Variants in CR1L observed in about 807,000 individuals in gnomAD.
The protein encoded by CR1L is complement component receptor 1-like protein.
A neutral mutation model predicts 62.3 loss-of-function variants in CR1L; 59 were observed. The observed-to-expected ratio is 0.95, with a 90% CI of 0.77 to 1.18. The LOEUF (loss-of-function observed/expected upper bound fraction) is 1.18, where lower values mean the gene tolerates loss of function less well. Ranked by LOEUF, CR1L falls within the 50% of genes most tolerant of loss-of-function variation. CR1L has a pLI of 0.00. For missense variants in CR1L, 700 were observed against 702.8 expected, an observed-to-expected ratio of 1.00 and a Z score of 0.04; for synonymous variants, 279 against 248.7, an observed-to-expected ratio of 1.12 and a Z score of -1.15.
At chr1:207,648,279 A>G (rs917033215) in intron 1 of CR1L, among the ~76,000 whole-genome samples, 3 of 151,918 alleles carry the variant, frequency 2.0e-5, no homozygotes, top group Non-Finnish European at 4.4e-5. Flanking sequence ...TTTGAAATAG[A>G]GGAACATAGA....
chr1:207,714,557 G>T (rs1653942292), intron 10 of CR1L, among the ~76,000 whole-genome samples: 2 of 152,092 alleles, frequency 1.3e-5, no homozygotes, highest in Admixed American at 6.6e-5. Context: ...ATTATTCGTT[G>T]CTTATGTGTA....
chr1:207,692,290 C>A (rs1234213127), intron 4 of CR1L, among the ~76,000 whole-genome samples: 1 of 152,174 alleles, frequency 6.6e-6, no homozygotes, highest in East Asian at 1.9e-4. Flanking sequence ...TTTATATTTA[C>A]ACCGTAGTGA....
intron 1 of CR1L, among the ~76,000 whole-genome samples, chr1:207,673,409 T>C (rs1663643473): frequency 6.6e-6 from 1 of 152,228 alleles, no homozygotes; most frequent in South Asian, 2.1e-4. Context: ...GCAAAGCAAG[T>C]GCAAGTCTGT....
chr1:207,686,703 G>A (rs1364285227), intron 4 of CR1L, among the ~76,000 whole-genome samples: 1 of 152,016 alleles, frequency 6.6e-6, no homozygotes, highest in Non-Finnish European at 1.5e-5. Flanking sequence ...ACAATTCAGT[G>A]GTATTTAGTA....
intron 1 of CR1L, among the ~76,000 whole-genome samples, chr1:207,664,972 T>C (rs1663491355): frequency 6.6e-6 from 1 of 152,242 alleles, no homozygotes; most frequent in African/African-American, 2.4e-5. Context: ...ATACATATGT[T>C]TACCCCAAGC....
intron 9 of CR1L, among the ~76,000 whole-genome samples, chr1:207,707,565 T>G (rs1479199201): frequency 2.6e-5 from 4 of 151,976 alleles, no homozygotes; most frequent in Non-Finnish European, 4.4e-5. Context: ...GAGGCAGAGG[T>G]TGCAGTGAGC....
At chr1:207,707,813 CACACACAT>C (rs1422602879) in intron 9 of CR1L, among the ~76,000 whole-genome samples, 3,391 of 151,430 alleles carry the variant, frequency 0.022, 122 homozygotes, top group African/African-American at 0.074. Flanking sequence ...CACACACACA[CACACACAT>C]ATTAAGGGAA....
At chr1:207,682,407 G>T (rs1371981914) in intron 3 of CR1L, among the ~76,000 whole-genome samples, 3 of 152,070 alleles carry the variant, frequency 2.0e-5, no homozygotes, top group Non-Finnish European at 2.9e-5. Flanking sequence ...GGGAGGTGGA[G>T]GTTGCAGTGA....
chr1:207,698,878 T>C (rs1275719644), intron 7 of CR1L, among the ~76,000 whole-genome samples: 2 of 152,168 alleles, frequency 1.3e-5, no homozygotes, highest in African/African-American at 4.8e-5. Flanking sequence ...AAGACTGGGT[T>C]TCTAATAATG....
chr1:207,703,571 T>C (rs1208747103), intron 9 of CR1L, among the ~76,000 whole-genome samples: 1 of 152,234 alleles, frequency 6.6e-6, no homozygotes, highest in East Asian at 1.9e-4. Flanking sequence ...CTGATGGAGA[T>C]GGACAAGGAG....
chr1:207,674,844 C>G (rs370970657), intron 1 of CR1L, among the ~76,000 whole-genome samples: 2 of 150,978 alleles, frequency 1.3e-5, no homozygotes, highest in African/African-American at 4.9e-5. Flanking sequence ...CACTGAAAGT[C>G]ACGGAACTGT....
At chr1:207,651,414 AT>A (rs141450382) in intron 1 of CR1L, among the ~76,000 whole-genome samples, 1 of 152,246 alleles carries the variant, frequency 6.6e-6, no homozygotes, top group Non-Finnish European at 1.5e-5. Context: ...TGAAGGTGAG[AT>A]TTCACTTGGT....
chr1:207,685,762 G>A (rs1558018628), intron 4 of CR1L, among the ~76,000 whole-genome samples: 2 of 152,052 alleles, frequency 1.3e-5, no homozygotes, highest in South Asian at 2.1e-4. Context: ...CCAGTAAAAG[G>A]TCTGTCTTCT....
chr1:207,661,302 G>A (rs941048030), intron 1 of CR1L, among the ~76,000 whole-genome samples: 2 of 152,130 alleles, frequency 1.3e-5, no homozygotes, highest in Admixed American at 1.3e-4. Flanking sequence ...GGTCACTAAG[G>A]ACTTGCTTTA....
At chr1:207,709,599 G>T (rs1664320960) in intron 10 of CR1L, among the ~76,000 whole-genome samples, 2 of 152,130 alleles carry the variant, frequency 1.3e-5, no homozygotes, top group Non-Finnish European at 2.9e-5. Flanking sequence ...ACATTGGGAG[G>T]CCCAAGGTAG....
At chr1:207,648,202 C>G (rs867991642) in intron 1 of CR1L, among the ~76,000 whole-genome samples, 19 of 37,464 alleles carry the variant, frequency 5.1e-4, no homozygotes, top group Non-Finnish European at 8.9e-4. Context: ...CACACACACA[C>G]ACAGACACAC....
intron 1 of CR1L, 99 bp downstream of exon 1, chr1:207,645,429 C>G: frequency 3.7e-6 from 5 of 1,352,450 alleles, no homozygotes; most frequent in South Asian, 2.3e-5. Context: ...GCACGTCGTG[C>G]CTGCTTGGGA....
intron 1 of CR1L, among the ~76,000 whole-genome samples, chr1:207,652,357 T>C (rs1349155967): frequency 6.6e-6 from 1 of 152,230 alleles, no homozygotes; most frequent in African/African-American, 2.4e-5. Flanking sequence ...TAATAGGATG[T>C]TACTTAAAAC....
intron 5 of CR1L, among the ~76,000 whole-genome samples, chr1:207,696,102 T>C (rs1664097910): frequency 6.6e-6 from 1 of 152,120 alleles, no homozygotes; most frequent in Non-Finnish European, 1.5e-5. Flanking sequence ...AGGGAGCTGC[T>C]GTGGCTCCCA....
Sources: gnomAD v4.1 joint callset for allele counts (sites outside exome capture counted in the v4.1 genomes callset) on GRCh38, gnomAD v4.1.1 for gene constraint, MANE v1.5 for transcripts, NCBI Gene and HGNC (gene_info 2026-07-23, HGNC 2026-07-21) for gene names.